Variants in MAD1L1 observed in about 807,000 individuals in gnomAD.
The protein encoded by MAD1L1 is mitotic spindle assembly checkpoint protein MAD1.
In MAD1L1, 95 loss-of-function variants were observed where a neutral mutation model predicts 96.9. The observed-to-expected ratio is 0.98, with a 90% confidence interval of 0.83 to 1.16. The LOEUF is 1.16. Ranked by LOEUF, MAD1L1 falls within the 50% of genes most tolerant of loss-of-function variation. MAD1L1 has a pLI of 0.00. For missense variants in MAD1L1, 1,007 were observed against 954.4 expected (o/e 1.06, Z -0.73); for synonymous variants, 473 against 396.6 (o/e 1.19, Z -2.29).
chr7:2,197,207 C>T (rs1792036260), intron 10 of MAD1L1, among the ~76,000 whole-genome samples: 1 of 152,232 alleles, frequency 6.6e-6, no homozygotes, highest in African/African-American at 2.4e-5. Flanking sequence ...TCTGGCCAAC[C>T]TGTGTGCTGC....
chr7:2,180,308 C>A (rs577973912), intron 10 of MAD1L1, among the ~76,000 whole-genome samples: 1 of 152,246 alleles, frequency 6.6e-6, no homozygotes, highest in Non-Finnish European at 1.5e-5. Flanking sequence ...GTGGCCACCA[C>A]CTGGCCCAGC....
intron 15 of MAD1L1, among the ~76,000 whole-genome samples, chr7:1,961,039 A>G (rs1426072071): frequency 6.6e-6 from 1 of 152,232 alleles, no homozygotes; most frequent in Non-Finnish European, 1.5e-5. Context: ...ACAGAGATGG[A>G]ACGGAACAGG....
At chr7:2,230,262 A>G in intron 2 of MAD1L1, 119 bp from the exon 3 acceptor site, 1 of 681,906 alleles carries the variant, frequency 1.5e-6, no homozygotes, top group South Asian at 2.0e-5. Context: ...CTCATAATAC[A>G]CCCATGCCTG....
At chr7:1,898,487 G>A (rs555167072) in intron 17 of MAD1L1, 97 bp from the exon 18 acceptor site, 20 of 1,024,430 alleles carry the variant, frequency 2.0e-5, no homozygotes, top group Admixed American at 1.3e-4. Context: ...GAGTACAGGT[G>A]GGAGTGGCGG....
chr7:1,917,336 A>G (rs1270717951), intron 17 of MAD1L1, among the ~76,000 whole-genome samples: 1 of 152,152 alleles, frequency 6.6e-6, no homozygotes, highest in African/African-American at 2.4e-5. Flanking sequence ...GAGCCTCATG[A>G]CAGCCTGGGG....
At chr7:1,827,366 G>A (rs1360643630) in intron 18 of MAD1L1, among the ~76,000 whole-genome samples, 1 of 152,212 alleles carries the variant, frequency 6.6e-6, no homozygotes, top group Non-Finnish European at 1.5e-5. Context: ...AGGAGCTGCA[G>A]CACAGCCCTC....
At chr7:1,999,070 C>A (rs984786645) in intron 14 of MAD1L1, among the ~76,000 whole-genome samples, 1 of 152,216 alleles carries the variant, frequency 6.6e-6, no homozygotes, top group Non-Finnish European at 1.5e-5. Flanking sequence ...CCCCACTAAC[C>A]CGCTCACTGA....
At chr7:1,988,990 C>T (rs1343113008) in intron 14 of MAD1L1, among the ~76,000 whole-genome samples, 1 of 152,222 alleles carries the variant, frequency 6.6e-6, no homozygotes, top group Non-Finnish European at 1.5e-5. Flanking sequence ...TCACAGGAGC[C>T]CCTTATATCA....
intron 17 of MAD1L1, among the ~76,000 whole-genome samples, chr7:1,930,765 C>T (rs1012794489): frequency 6.6e-5 from 10 of 151,820 alleles, no homozygotes; most frequent in East Asian, 4.0e-4. Context: ...GGACACTGGG[C>T]GCTGTCTCAG....
rs549244302 is a variant in MAD1L1 at position 2,114,481 on chromosome 7, T to C, written c.1073+34671A>G. Among the ~76,000 whole-genome samples, 28 of 152,250 alleles carry C rather than the reference T, an allele frequency of 1.8e-4. 1 individual carries two copies. The South Asian group carries it at 5.6e-3, about 30-fold the overall frequency. Reference sequence around the variant, plus strand: ...TCCTGAAAGAGACAATTGCGAGAAATGAAAGCCTGGCTGCCGGGATCAATC... The same window carrying C: ...TCCTGAAAGAGACAATTGCGAGAAACGAAAGCCTGGCTGCCGGGATCAATC... On this transcript the variant is annotated intron_variant, in intron 11 of 18. Transcript: ENST00000265854. The surrounding 1 kb of genome is among the most constrained non-coding windows in gnomAD (Gnocchi z 4.2).
At chr7:1,976,596 C>G (rs1045683658) in intron 15 of MAD1L1, among the ~76,000 whole-genome samples, 1 of 152,354 alleles carries the variant, frequency 6.6e-6, no homozygotes, top group East Asian at 1.9e-4. Flanking sequence ...GCTCCCACAG[C>G]GTGGAAGGGG....
At position 2,033,958 on chromosome 7, in the gene MAD1L1, G is replaced by A. The variant is rs1217699997; in HGVS notation, c.1219-19316C>T. Among the ~76,000 whole-genome samples the A allele has an allele frequency of 5.3e-5, 8 of 152,150 alleles. 1 individual carries two copies. The highest frequency in any genetic ancestry group is 1.5e-5 in the Non-Finnish European group (1 of 68,028). ...AAATTTTTTTTTAATTAGCCAGGCG[G>A]GGCGGCATGCACCTATAGTCCCAGC... On this transcript the variant is annotated intron_variant, in intron 12 of 18. Coordinates refer to ENST00000265854, the MANE Select transcript of MAD1L1 (RefSeq NM_001013836.2).
intron 11 of MAD1L1, among the ~76,000 whole-genome samples, chr7:2,084,065 G>A (rs1785786737): frequency 1.3e-5 from 2 of 152,202 alleles, no homozygotes; most frequent in African/African-American, 2.4e-5. Context: ...TCCCTTTCTC[G>A]CTATCAGTTA....
intron 12 of MAD1L1, among the ~76,000 whole-genome samples, chr7:2,034,272 A>G (rs1200359682): frequency 6.6e-6 from 1 of 150,654 alleles, no homozygotes; most frequent in Non-Finnish European, 1.5e-5. Context: ...GCTGGAGTGC[A>G]ATGGTGTGAT....
chr7:2,166,619 CAAG>C (rs150076631), intron 10 of MAD1L1, among the ~76,000 whole-genome samples: 20,662 of 152,180 alleles, frequency 0.14, 2,049 homozygotes, highest in Non-Finnish European at 0.19. Flanking sequence ...ACAACTTCGG[CAAG>C]AAGCTCAGAA....
At chr7:2,228,677 G>A (rs780860927) in intron 3 of MAD1L1, among the ~76,000 whole-genome samples, 5 of 144,432 alleles carry the variant, frequency 3.5e-5, no homozygotes, top group Non-Finnish European at 6.0e-5. Context: ...ATATATATAT[G>A]ACCTAATCTC....
At chr7:1,935,342 T>C (rs1778534862) in intron 17 of MAD1L1, among the ~76,000 whole-genome samples, 1 of 152,134 alleles carries the variant, frequency 6.6e-6, no homozygotes, top group African/African-American at 2.4e-5. Context: ...GGTGGGGAGC[T>C]GGAAAGGAGC....
At chr7:1,821,814 A>G (rs1381791899) in intron 18 of MAD1L1, among the ~76,000 whole-genome samples, 1 of 152,222 alleles carries the variant, frequency 6.6e-6, no homozygotes, top group Admixed American at 6.5e-5. Context: ...AAGAACCCTC[A>G]GCTCACGCTG....
chr7:2,121,409 G>A (rs1479646761), intron 11 of MAD1L1, among the ~76,000 whole-genome samples: 1 of 152,228 alleles, frequency 6.6e-6, no homozygotes, highest in Non-Finnish European at 1.5e-5. Context: ...TCCAGCTGGA[G>A]CCTCCCGGGC....
Sources: allele counts gnomAD v4.1 joint callset (sites outside exome capture counted in the v4.1 genomes callset), GRCh38; gene constraint gnomAD v4.1.1; non-coding constraint Gnocchi (gnomAD v3.1); transcripts MANE v1.5; gene names NCBI Gene and HGNC (gene_info 2026-07-23, HGNC 2026-07-21).